Variants in YLPM1 observed in about 807,000 individuals in gnomAD.
The protein encoded by YLPM1 is YLP motif containing 1.
Under a neutral mutation model 230.0 loss-of-function variants are expected in YLPM1, and 99 were observed. That is an observed-to-expected ratio of 0.43 (90% CI 0.37 to 0.51). The LOEUF (loss-of-function observed/expected upper bound fraction) is 0.51, where lower values mean the gene tolerates loss of function less well. Ranked by LOEUF, YLPM1 falls within the 20% of genes least tolerant of loss-of-function variation. The probability of loss-of-function intolerance (pLI) is 0.00; values close to 1 mark genes in which losing one functional copy is unlikely to be tolerated. For missense variants in YLPM1, 2,592 were observed against 2,707.7 expected, an observed-to-expected ratio of 0.96 and a Z score of 0.95; for synonymous variants, 984 against 942.5, an observed-to-expected ratio of 1.04 and a Z score of -0.81.
intron 19 of YLPM1, among the ~76,000 whole-genome samples, chr14:74,833,493 T>G (rs889646669): frequency 2.0e-5 from 3 of 152,220 alleles, no homozygotes; most frequent in Admixed American, 2.0e-4. Context: ...GCTGACGTGA[T>G]CTGCCGGCCT....
rs773847511 is a variant in YLPM1 at position 74,810,209 on chromosome 14, C to T, written c.5033-16C>T. 6.2e-7 allele frequency: 1 copy of T among 1,610,042 alleles called. No homozygotes were observed. The highest frequency in any genetic ancestry group is 1.1e-5 in the South Asian group (1 of 90,618). On this transcript the variant is annotated splice_polypyrimidine_tract_variant and intron_variant, in intron 8 of 20. Coordinates refer to ENST00000325680, the MANE Select transcript of YLPM1 (RefSeq NM_019589.3). ...ATAAAAGGGATATAGTTATTTTGTACTAATTGTTTTTGTAGAGCATGCAGG... is the reference window on the plus strand; with the variant it reads ...ATAAAAGGGATATAGTTATTTTGTATTAATTGTTTTTGTAGAGCATGCAGG...
At chr14:74,831,045 A>T (rs1284749502) in intron 19 of YLPM1, among the ~76,000 whole-genome samples, 1 of 152,180 alleles carries the variant, frequency 6.6e-6, no homozygotes, top group Non-Finnish European at 1.5e-5. Flanking sequence ...CATGCAAATA[A>T]TTGCCTGTTT....
intron 19 of YLPM1, 95 bp from the exon 20 acceptor site, chr14:74,835,170 T>G: frequency 6.9e-6 from 10 of 1,456,164 alleles, no homozygotes; most frequent in Non-Finnish European, 9.2e-6. Flanking sequence ...CGGTTTCAAA[T>G]GAGTCATTCT....
At chr14:74,793,578 G>T (rs987318666) in intron 4 of YLPM1, among the ~76,000 whole-genome samples, 1 of 152,056 alleles carries the variant, frequency 6.6e-6, no homozygotes, top group Non-Finnish European at 1.5e-5. Context: ...TCCAAATTCA[G>T]ATCCTATTTA....
intron 4 of YLPM1, among the ~76,000 whole-genome samples, chr14:74,786,655 G>T (rs1283495409): frequency 6.6e-6 from 1 of 152,144 alleles, no homozygotes; most frequent in Non-Finnish European, 1.5e-5. Context: ...ATAGTTCATT[G>T]TATGAATATA....
intron 1 of YLPM1, 70 bp from the exon 2 acceptor site, chr14:74,778,377 C>G: frequency 7.3e-7 from 1 of 1,362,240 alleles, no homozygotes; most frequent in Non-Finnish European, 1.0e-6. Context: ...AAAGATAGGT[C>G]CTTGTCAACA....
At chr14:74,830,658 G>A (rs2091601857) in intron 19 of YLPM1, among the ~76,000 whole-genome samples, 1 of 152,212 alleles carries the variant, frequency 6.6e-6, no homozygotes, top group Non-Finnish European at 1.5e-5. Context: ...TGTACAAGAA[G>A]CATGGTGCTA....
At chr14:74,784,715 G>C (rs1463084238) in intron 4 of YLPM1, among the ~76,000 whole-genome samples, 1 of 152,194 alleles carries the variant, frequency 6.6e-6, no homozygotes, top group Non-Finnish European at 1.5e-5. Context: ...TGCCTCTGGA[G>C]CAACACAGAA....
chr14:74,834,498 T>C (rs1232148860), intron 19 of YLPM1, among the ~76,000 whole-genome samples: 1 of 152,168 alleles, frequency 6.6e-6, no homozygotes, highest in Non-Finnish European at 1.5e-5. Context: ...TGGATAATTA[T>C]ACTACGGTGT....
chr14:74,827,433 T>C lies in YLPM1; in HGVS notation c.6164-1780T>C, dbSNP rs535115057. Reference sequence around the variant, plus strand: ...CCAAGAAGGAAACTTTAAACATATTTGCACAATAAAATTTCAAATTAAACA... The same window carrying C: ...CCAAGAAGGAAACTTTAAACATATTCGCACAATAAAATTTCAAATTAAACA... On this transcript the variant is annotated intron_variant, in intron 18 of 20. Coordinates refer to ENST00000325680, the MANE Select transcript of YLPM1 (RefSeq NM_019589.3). 6 of 985,444 alleles carry C rather than the reference T, an allele frequency of 6.1e-6. No homozygotes were observed. In the East Asian group the frequency reaches 6.8e-4, roughly 112 times the overall value. 61.0% of individuals were successfully genotyped at this position (985,444 alleles called of 1,614,324 possible).
intron 1 of YLPM1, among the ~76,000 whole-genome samples, chr14:74,770,586 C>T (rs1469086160): frequency 1.3e-5 from 2 of 151,998 alleles, no homozygotes; most frequent in African/African-American, 4.8e-5. Flanking sequence ...GATTGCCCCA[C>T]TGCTCTCTAG....
chr14:74,818,196 C>G, intron 15 of YLPM1, 35 bp from the exon 16 acceptor site: 1 of 1,522,222 alleles, frequency 6.6e-7, no homozygotes, highest in Non-Finnish European at 8.9e-7. Flanking sequence ...TGAGTAGTTT[C>G]TAGAGATAAC....
At chr14:74,814,661 G>T (rs151279243) in intron 11 of YLPM1, among the ~76,000 whole-genome samples, 37 of 152,310 alleles carry the variant, frequency 2.4e-4, no homozygotes, top group African/African-American at 8.4e-4. Flanking sequence ...CTAATATTTT[G>T]TTGAGGATTT....
At chr14:74,811,836 G>A (rs990106554) in intron 10 of YLPM1, 98 bp downstream of exon 10, 58 of 786,282 alleles carry the variant, frequency 7.4e-5, no homozygotes, top group Non-Finnish European at 1.1e-4. Flanking sequence ...AGAGTAAAAC[G>A]TATTCACAGA....
intron 1 of YLPM1, among the ~76,000 whole-genome samples, chr14:74,766,115 G>A (rs974999115): frequency 6.6e-6 from 1 of 152,140 alleles, no homozygotes; most frequent in Non-Finnish European, 1.5e-5. Context: ...TTGCAGACAG[G>A]AATTATCTTA....
At chr14:74,805,046 G>A (rs545531695) in intron 6 of YLPM1, among the ~76,000 whole-genome samples, 1 of 145,416 alleles carries the variant, frequency 6.9e-6, no homozygotes, top group Non-Finnish European at 1.5e-5. Context: ...TTGAAATGGA[G>A]TCTCACTCTG....
intron 6 of YLPM1, among the ~76,000 whole-genome samples, chr14:74,808,232 A>G (rs1300003272): frequency 6.6e-6 from 1 of 152,230 alleles, no homozygotes; most frequent in East Asian, 1.9e-4. Context: ...AATGAATTAT[A>G]TAATATGTAG....
intron 19 of YLPM1, among the ~76,000 whole-genome samples, chr14:74,829,767 A>C (rs906769885): frequency 5.3e-5 from 8 of 152,192 alleles, no homozygotes; most frequent in African/African-American, 1.7e-4. Flanking sequence ...CCATTTAGTG[A>C]GAGAGAAAAC....
intron 4 of YLPM1, among the ~76,000 whole-genome samples, chr14:74,784,019 C>T (rs558613354): frequency 2.0e-5 from 3 of 152,316 alleles, no homozygotes; most frequent in African/African-American, 4.8e-5. Context: ...CTGTTTACTG[C>T]CATGATTCAA....
Sources: allele counts gnomAD v4.1 joint callset (sites outside exome capture counted in the v4.1 genomes callset), GRCh38; gene constraint gnomAD v4.1.1; transcripts MANE v1.5; gene names NCBI Gene and HGNC (gene_info 2026-07-23, HGNC 2026-07-21).